The following TBC1D31 variants were observed in gnomAD, a reference collection of about 807,000 sequenced individuals.
TBC1D31 encodes WD repeat domain 67.
TBC1D31 carries 99 observed loss-of-function variants against 132.9 expected under a neutral mutation model. The observed-to-expected ratio is 0.74, with a 90% CI of 0.63 to 0.88. The LOEUF is 0.88. Among genes scored for constraint, TBC1D31 ranks in the 40% least tolerant of loss-of-function variants. The probability of loss-of-function intolerance (pLI) is 0.00; values close to 1 mark genes in which losing one functional copy is unlikely to be tolerated. For missense variants in TBC1D31, 1,134 were observed against 1,256.6 expected (o/e 0.90, Z 1.48); for synonymous variants, 385 against 419.4 (o/e 0.92, Z 1.00).
intron 6 of TBC1D31, among the ~76,000 whole-genome samples, chr8:123,100,364 T>C (rs967368744): frequency 6.6e-6 from 1 of 152,056 alleles, no homozygotes; most frequent in Non-Finnish European, 1.5e-5. Flanking sequence ...TCACCTGACA[T>C]CAGGAGTTCG....
At chr8:123,074,304 G>A (rs1312535506) in intron 1 of TBC1D31, among the ~76,000 whole-genome samples, 1 of 152,218 alleles carries the variant, frequency 6.6e-6, no homozygotes, top group Non-Finnish European at 1.5e-5. Context: ...ACAGGCGTAA[G>A]CCACCGCGCC....
intron 4 of TBC1D31, among the ~76,000 whole-genome samples, chr8:123,089,297 A>G (rs1563680140): frequency 6.6e-6 from 1 of 152,228 alleles, no homozygotes; most frequent in Non-Finnish European, 1.5e-5. Context: ...TGGTTTCAAC[A>G]TTAAGTGTGA....
rs1563756887 is a variant in TBC1D31 at position 123,144,724 on chromosome 8, A to C, written c.2843A>C (p.Glu948Ala). ...CCATTTATTTGAATTTAGTGGAAGG[A>C]AGCTGAAGGAAAAGAGTTCCGTTTG... Reference protein sequence around the residue: ...MVEEEAKKWKEAEGKEFRLRS... With the variant: ...MVEEEAKKWKAAEGKEFRLRS... Residue 948 changes from glutamate (E) to alanine (A), a missense_variant, in exon 20 of 22, where the codon GAA becomes GCA. Transcript: ENST00000287380. The C allele has an allele frequency of 6.2e-7, 1 of 1,603,784 alleles. No homozygotes were observed. Among genetic ancestry groups the C allele is most frequent in the Non-Finnish European group, 8.5e-7 (1 of 1,177,552 alleles).
chr8:123,130,715 G>A (rs1314280665), intron 16 of TBC1D31, among the ~76,000 whole-genome samples: 3 of 149,990 alleles, frequency 2.0e-5, no homozygotes, highest in East Asian at 4.0e-4. Context: ...TCCGCCTCCC[G>A]GGTTCAAGTG....
At chr8:123,095,646 C>T (rs1478743497) in intron 5 of TBC1D31, among the ~76,000 whole-genome samples, 5 of 152,114 alleles carry the variant, frequency 3.3e-5, no homozygotes, top group South Asian at 2.1e-4. Context: ...CTAATAGGAT[C>T]CTCTTTTCGC....
downstream of TBC1D31, among the ~76,000 whole-genome samples, chr8:123,156,359 T>A (rs1822987173): frequency 6.6e-6 from 1 of 150,862 alleles, no homozygotes; most frequent in African/African-American, 2.4e-5. Context: ...GACAATTGGT[T>A]GAACCTGGGA....
chr8:123,145,312 G>T (rs892380644), intron 20 of TBC1D31, among the ~76,000 whole-genome samples: 1 of 152,166 alleles, frequency 6.6e-6, no homozygotes. Flanking sequence ...TATTTTTGGT[G>T]GGAAAGGGTG....
chr8:123,099,063 G>C (rs1418333983), intron 6 of TBC1D31, among the ~76,000 whole-genome samples: 2 of 152,186 alleles, frequency 1.3e-5, no homozygotes, highest in Non-Finnish European at 2.9e-5. Flanking sequence ...AGACAAGGCA[G>C]CATGGGGGTT....
At chr8:123,105,554 G>T in intron 8 of TBC1D31, 90 bp downstream of exon 8, 1 of 1,078,848 alleles carries the variant, frequency 9.3e-7, no homozygotes, top group South Asian at 1.9e-5. Flanking sequence ...CTCTCTCTTG[G>T]GAATTAAAGA....
downstream of TBC1D31, among the ~76,000 whole-genome samples, chr8:123,153,588 A>C (rs1257425653): frequency 6.6e-6 from 1 of 152,206 alleles, no homozygotes; most frequent in Non-Finnish European, 1.5e-5. Flanking sequence ...ACTTGGTTGA[A>C]TCCCCTCAGT....
chr8:123,111,385 T>C (rs1300125206), intron 10 of TBC1D31, among the ~76,000 whole-genome samples: 2 of 152,166 alleles, frequency 1.3e-5, no homozygotes, highest in African/African-American at 4.8e-5. Flanking sequence ...AAAAGGCAAG[T>C]TAAATGCTTG....
the TBC1D31 span, among the ~76,000 whole-genome samples, chr8:123,164,625 G>C: frequency 6.6e-6 from 1 of 152,004 alleles, no homozygotes; most frequent in African/African-American, 2.4e-5. Context: ...AGGAGGCTGA[G>C]ACAGGAGAAT....
At chr8:123,093,242 C>A (rs927444876) in intron 4 of TBC1D31, among the ~76,000 whole-genome samples, 1 of 152,138 alleles carries the variant, frequency 6.6e-6, no homozygotes, top group East Asian at 1.9e-4. Flanking sequence ...AGCCACCACA[C>A]CTGACCAATG....
rs57816964 is a variant in TBC1D31 at position 123,145,871 on chromosome 8, CTTT to C, written c.2974+1030_2974+1032del. 1.0e-4 allele frequency among the ~76,000 whole-genome samples: 14 copies of C among 133,482 alleles called. No individual in the cohort carries two copies. In the East Asian group the frequency reaches 1.5e-3, roughly 14 times the overall value. The allele number at this position is 133,482 out of a possible 152,430, so 87.6% of individuals were successfully genotyped here. On this transcript the variant is annotated intron_variant, in intron 20 of 21. Transcript: ENST00000287380. ...ATTCACCTTTTTTCTTTCTCTTTTT[CTTT>C]TTTTTTTTTTTTTGAGACAGAGTTT...
chr8:123,151,392 A>G (rs1407478883), intron 21 of TBC1D31, among the ~76,000 whole-genome samples: 2 of 152,220 alleles, frequency 1.3e-5, no homozygotes, highest in Non-Finnish European at 2.9e-5. Flanking sequence ...ATTAAAAAGC[A>G]TTTGATTTAC....
At chr8:123,109,444 TGGG>T (rs1355092873) in intron 9 of TBC1D31, 27 bp from the exon 10 acceptor site, 1 of 1,609,124 alleles carries the variant, frequency 6.2e-7, no homozygotes, top group Admixed American at 1.7e-5. Flanking sequence ...CAAAAAAAAT[TGGG>T]GGGATTAAAA....
intron 2 of TBC1D31, among the ~76,000 whole-genome samples, chr8:123,081,645 A>T (rs1278245267): frequency 6.6e-6 from 1 of 152,254 alleles, no homozygotes; most frequent in East Asian, 1.9e-4. Context: ...TGGGTAATTT[A>T]TAAAGAAAAA....
intron 2 of TBC1D31, among the ~76,000 whole-genome samples, chr8:123,079,616 A>G (rs1001706669): frequency 6.6e-6 from 1 of 152,206 alleles, no homozygotes; most frequent in Non-Finnish European, 1.5e-5. Context: ...GAACTTCAAC[A>G]TCGAGGACTC....
chr8:123,150,180 T>C (rs760733175), intron 21 of TBC1D31, 52 bp downstream of exon 21: 1 of 1,426,094 alleles, frequency 7.0e-7, no homozygotes, highest in African/African-American at 1.4e-5. Context: ...TTTCACAATA[T>C]TTAAGCAAAA....
Sources: allele counts gnomAD v4.1 joint callset (sites outside exome capture counted in the v4.1 genomes callset), GRCh38; gene constraint gnomAD v4.1.1; transcripts MANE v1.5; gene names NCBI Gene and HGNC (gene_info 2026-07-23, HGNC 2026-07-21).